RXRB: variants seen among roughly 807,000 people sequenced by gnomAD.
RXRB encodes retinoid X receptor beta.
RXRB carries 18 observed loss-of-function variants against 52.5 expected under a neutral mutation model. That is an observed-to-expected ratio of 0.34 (90% confidence interval 0.24 to 0.51). RXRB has a LOEUF of 0.51. Ranked by LOEUF, RXRB falls within the 20% of genes least tolerant of loss-of-function variation. The pLI is 0.97. For missense variants in RXRB, 455 were observed against 698.2 expected, an observed-to-expected ratio of 0.65 and a Z score of 3.92; for synonymous variants, 233 against 267.1, an observed-to-expected ratio of 0.87 and a Z score of 1.25.
rs559052660 is a variant in RXRB at position 33,195,850 on chromosome 6, C to T, written c.1123+57G>A. ...TAAGGCCACTGGGGTCACTAAAGAT[C>T]GGGAAGTCAAAGAGGGGTCAAATGT... On this transcript the variant is annotated intron_variant, in intron 6 of 9. Transcript: ENST00000374680. The surrounding 1 kb of genome is among the most constrained non-coding windows in gnomAD (Gnocchi z 8.6). 256 of 1,605,034 alleles carry T rather than the reference C, an allele frequency of 1.6e-4. No individual in the cohort carries two copies. In the African/African-American group the frequency reaches 3.2e-3, roughly 20 times the overall value.
In RXRB at chr6:33,196,636, G is replaced by C. The variant is rs754360204; in HGVS notation, c.821-30C>G. The C allele has an allele frequency of 3.2e-6, 5 of 1,561,340 alleles. No homozygotes were observed. The highest frequency in any genetic ancestry group is 1.4e-5 in the African/African-American group (1 of 73,236). On this transcript the variant is annotated intron_variant, in intron 4 of 9. Transcript: ENST00000374680. The surrounding 1 kb of genome is among the most constrained non-coding windows in gnomAD (Gnocchi z 4.0). The stretch of plus-strand genomic sequence containing the variant: ...AGGGGGAAGGGGGAGAGAAAAAATG[G>C]AAAGTCAGCAGCCAGCCATGAAGGG...
Position 33,193,829 on chromosome 6 carries a change from T to TG in RXRB, c.*852dup, listed in dbSNP as rs1773621040. On this transcript the variant is annotated 3_prime_UTR_variant, in exon 10 of 10. Transcript: ENST00000374680. The stretch of plus-strand genomic sequence containing the variant: ...ACTACACTCGTGAAACCATCCCCTG[T>TG]GGGGGCCCTGTCCTCACAGCCCAGG... The TG allele has an allele frequency of 6.6e-6, 1 of 152,042 alleles. No individual in the cohort carries two copies. The highest frequency in any genetic ancestry group is 2.1e-4 in the South Asian group (1 of 4,820). The allele number at this position is 152,042 out of a possible 1,614,324, so 9.4% of individuals were successfully genotyped here. A position where few individuals can be genotyped will look rare whatever the true frequency, so the allele number is the denominator to read the frequency against.
Position 33,195,127 on chromosome 6 carries a change from A to G in RXRB, c.1349-77T>C. ...GGATGGCCATGCAGATGTGAGCCAC[A>G]GGATGCCCCTTTTGGGCTGCACTTG... On this transcript the variant is annotated intron_variant, in intron 8 of 9. Transcript: ENST00000374680. This position sits in a 1 kb window ranked among gnomAD's most constrained non-coding sequence, Gnocchi z 8.6. 9.1e-7 allele frequency: 1 copy of G among 1,096,786 alleles called. No homozygotes were observed. The highest frequency in any genetic ancestry group is 1.4e-6 in the Non-Finnish European group (1 of 718,148). The allele number at this position is 1,096,786 out of a possible 1,614,324, so 67.9% of individuals were successfully genotyped here.
rs2150652191 is a variant in RXRB at position 33,193,725 on chromosome 6, C to G, written c.*957G>C. ...GCGGGCTGGCCACCTCCCCTCAATT[C>G]TCAGGCCAGGATCCTGTGTCCCCAG... On this transcript the variant is annotated 3_prime_UTR_variant, in exon 10 of 10. Transcript: ENST00000374680. The G allele has an allele frequency of 6.6e-6, 1 of 152,368 alleles. No homozygotes were observed. The highest frequency in any genetic ancestry group is 6.5e-5 in the Admixed American group (1 of 15,314). The allele number at this position is 152,368 out of a possible 1,614,324, so 9.4% of individuals were successfully genotyped here.
upstream of RXRB, chr6:33,200,670 C>A: frequency 6.5e-7 from 1 of 1,540,172 alleles, no homozygotes; most frequent in African/African-American, 1.4e-5. This position sits in a 1 kb window ranked among gnomAD's most constrained non-coding sequence, Gnocchi z 6.3. Flanking sequence ...GACGGGAAGT[C>A]TCGGCGCGAG....
In RXRB at chr6:33,199,153, G is replaced by C. The variant is rs201930470; in HGVS notation, c.483+16C>G. On this transcript the variant is annotated intron_variant, in intron 2 of 9. Transcript: ENST00000374680. ...AATGAAAGTGGCCAGGCAGTAAGTT[G>C]GTCACAACCTCTCACCTGGGGGCTG... The C allele has an allele frequency of 1.7e-5, 22 of 1,296,088 alleles. No individual in the cohort carries two copies. In the East Asian group the frequency reaches 5.4e-4, roughly 32 times the overall value. The allele number at this position is 1,296,088 out of a possible 1,614,324, so 80.3% of individuals were successfully genotyped here.
Position 33,195,407 on chromosome 6 carries a change from T to A in RXRB, c.1304A>T (p.Lys435Met). The change falls in exon 8 of 10, where the codon AAG (lysine) becomes ATG (methionine). Residue 435 changes from lysine to methionine, a missense_variant. Lys to Met is a moderately conservative substitution (Grantham distance 95, BLOSUM62 -1). Around this residue, in one of 4 missense-constraint regions of RXRB, gnomAD observed 115 missense variants for 253.1 expected, o/e 0.45. Coordinates refer to ENST00000374680, the MANE Select transcript of RXRB (RefSeq NM_021976.5). The surrounding 1 kb of genome is among the most constrained non-coding windows in gnomAD (Gnocchi z 8.6). ...VSKMRDMRMD[K>M]TELGCLRAII... The stretch of plus-strand genomic sequence containing the variant: ...TGCCCTCAGGCAGCCAAGCTCTGTC[T>A]TGTCCATCCTCATGTCACGCATTTT... 6.2e-7 allele frequency: 1 copy of A among 1,612,826 alleles called. No homozygotes were observed.
Position 33,195,215 on chromosome 6 carries a change from G to A in RXRB, c.1348+148C>T. On this transcript the variant is annotated intron_variant, in intron 8 of 9. Transcript: ENST00000374680. This position sits in a 1 kb window ranked among gnomAD's most constrained non-coding sequence, Gnocchi z 8.6. Reference sequence around the variant, plus strand: ...CCCACTGGGTTTGTGGGATGGATCCGTGGATGTGGGTTTTTCCTCGGCCAG... The same window carrying A: ...CCCACTGGGTTTGTGGGATGGATCCATGGATGTGGGTTTTTCCTCGGCCAG... 5.3e-6 allele frequency: 4 copies of A among 759,326 alleles called. No homozygotes were observed. The highest frequency in any genetic ancestry group is 2.6e-5 in the East Asian group (1 of 38,432). The allele number at this position is 759,326 out of a possible 1,614,324, so 47.0% of individuals were successfully genotyped here. A position where few individuals can be genotyped will look rare whatever the true frequency, so the allele number is the denominator to read the frequency against.
rs948835033 is a variant in RXRB, at chr6:33,194,441, C to T, written c.*241G>A. The T allele has an allele frequency of 6.0e-6, 3 of 498,932 alleles. No individual in the cohort carries two copies. The highest frequency in any genetic ancestry group is 7.1e-5 in the South Asian group (2 of 28,362). The allele number at this position is 498,932 out of a possible 1,614,324, so 30.9% of individuals were successfully genotyped here. A position where few individuals can be genotyped will look rare whatever the true frequency, so the allele number is the denominator to read the frequency against. On this transcript the variant is annotated 3_prime_UTR_variant, in exon 10 of 10. Coordinates refer to ENST00000374680, the MANE Select transcript of RXRB (RefSeq NM_021976.5). The surrounding 1 kb of genome is among the most constrained non-coding windows in gnomAD (Gnocchi z 4.1). The stretch of plus-strand genomic sequence containing the variant: ...AATCACCCCAAATCATGGGAGAACC[C>T]GACAAATTCAGAGACTCAAGGCCAC...
At position 33,195,087 on chromosome 6, in the gene RXRB, A is replaced by C. The variant is rs1395862784; in HGVS notation, c.1349-37T>G. Reference sequence around the variant, plus strand: ...GGGAAGAGAGGAGGAAGAGAAATGAAGACAAACCAAATCAGGATGGCCATG... The same window carrying C: ...GGGAAGAGAGGAGGAAGAGAAATGACGACAAACCAAATCAGGATGGCCATG... On this transcript the variant is annotated intron_variant, in intron 8 of 9. Transcript: ENST00000374680. The surrounding 1 kb of genome is among the most constrained non-coding windows in gnomAD (Gnocchi z 8.6). 1 of 1,464,174 alleles carries C rather than the reference A, an allele frequency of 6.8e-7. No homozygotes were observed. Among genetic ancestry groups the C allele is most frequent in the Non-Finnish European group, 9.6e-7 (1 of 1,045,298 alleles). The allele number at this position is 1,464,174 out of a possible 1,614,324, so 90.7% of individuals were successfully genotyped here.
In RXRB at chr6:33,194,930, C is replaced by G. The variant is rs1350445782; in HGVS notation, c.1454+15G>C. The stretch of plus-strand genomic sequence containing the variant: ...ACCCCCAAGGGAGCCTCAGTGCCCC[C>G]CAGCCCCATCTCACCGTCCCTGCTG... On this transcript the variant is annotated intron_variant, in intron 9 of 9. Coordinates refer to ENST00000374680, the MANE Select transcript of RXRB (RefSeq NM_021976.5). This position sits in a 1 kb window ranked among gnomAD's most constrained non-coding sequence, Gnocchi z 4.1. 6.2e-7 allele frequency: 1 copy of G among 1,611,856 alleles called. No homozygotes were observed. Among genetic ancestry groups the G allele is most frequent in the Admixed American group, 1.7e-5 (1 of 60,024 alleles).
rs1774388781 is a variant in RXRB, at chr6:33,200,315, TGCCACCGCC to T, written c.153_161del (p.Ala52_Ala54del). 8 of 1,595,222 alleles carry T rather than the reference TGCCACCGCC, an allele frequency of 5.0e-6. No homozygotes were observed. The highest frequency in any genetic ancestry group is 6.8e-6 in the Non-Finnish European group (8 of 1,174,514). On this transcript the variant is annotated inframe_deletion, in exon 1 of 10. Coordinates refer to ENST00000374680, the MANE Select transcript of RXRB (RefSeq NM_021976.5). This position sits in a 1 kb window ranked among gnomAD's most constrained non-coding sequence, Gnocchi z 6.3. ...GCTCCGGGGTTTGTTGTTCTCCGCC[TGCCACCGCC>T]GCCGCCGCCGCCGCTGCGGGATCCA...
Position 33,199,358 on chromosome 6 carries a change from A to T in RXRB, c.294T>A (p.Pro98=), listed in dbSNP as rs753408998. The change falls in exon 2 of 10, where the codon CCT becomes CCA. Residue 98 remains proline, a synonymous_variant. Transcript: ENST00000374680. The part of the protein sequence containing the change: ...PNPLPQGVPP[P]SPPGPPLPPS... ...GGGGTAGGGGTGGCCCAGGAGGAGA[A>T]GGGGGAGGGACTCCCTGGGGAAGGG... 2 of 1,008,720 alleles carry T rather than the reference A, an allele frequency of 2.0e-6. No individual in the cohort carries two copies. Among genetic ancestry groups the T allele is most frequent in the South Asian group, 4.9e-5 (1 of 20,318 alleles). 62.5% of individuals were successfully genotyped at this position (1,008,720 alleles called of 1,614,324 possible). A position where few individuals can be genotyped will look rare whatever the true frequency, so the allele number is the denominator to read the frequency against.
rs529640408 is a variant in RXRB at position 33,196,891 on chromosome 6, G to C, written c.821-285C>G. Among the ~76,000 whole-genome samples, 10 of 151,892 alleles carry C rather than the reference G, an allele frequency of 6.6e-5. No individual in the cohort carries two copies. In the South Asian group the frequency reaches 2.1e-3, roughly 32 times the overall value. ...AAAAACATGCCAAGATTCAACCTGA[G>C]AAAGCTGATTGAAAAAAAAAATTTT... On this transcript the variant is annotated intron_variant, in intron 4 of 9. Transcript: ENST00000374680. The surrounding 1 kb of genome is among the most constrained non-coding windows in gnomAD (Gnocchi z 4.0).
chr6:33,195,178 A>G lies in RXRB; in HGVS notation c.1349-128T>C. The G allele has an allele frequency of 1.3e-6, 1 of 798,016 alleles. No individual in the cohort carries two copies. Among genetic ancestry groups the G allele is most frequent in the Admixed American group, 2.1e-5 (1 of 48,258 alleles). The allele number at this position is 798,016 out of a possible 1,614,324, so 49.4% of individuals were successfully genotyped here. ...CTTGCCCTTTACCAGAGGCCTGGCA[A>G]GGGAAGCAGGGCCCACTGGGTTTGT... On this transcript the variant is annotated intron_variant, in intron 8 of 9. Coordinates refer to ENST00000374680, the MANE Select transcript of RXRB (RefSeq NM_021976.5). The surrounding 1 kb of genome is among the most constrained non-coding windows in gnomAD (Gnocchi z 8.6).
chr6:33,196,958 C>A lies in RXRB; in HGVS notation c.821-352G>T, dbSNP rs3117040. Among the ~76,000 whole-genome samples the A allele has an allele frequency of 0.78, 119,102 of 152,164 alleles. 47,137 individuals are homozygous for A. Among genetic ancestry groups the A allele is most frequent in the East Asian group, 0.97 (5,044 of 5,188 alleles). On this transcript the variant is annotated intron_variant, in intron 4 of 9. Coordinates refer to ENST00000374680, the MANE Select transcript of RXRB (RefSeq NM_021976.5). This position sits in a 1 kb window ranked among gnomAD's most constrained non-coding sequence, Gnocchi z 4.0. ...CAAGAAACATGCTAAGCACATTTTA[C>A]CATTCACTCAATTATCATAATGATG...
rs1297616508 is a variant in RXRB at position 33,194,216 on chromosome 6, A to G, written c.*466T>C. Reference sequence around the variant, plus strand: ...TCTTCCAGAGAGGCCCCCATCTGCCAGGTTTGAGAGGAGGAAGGCCTGTCA... The same window carrying G: ...TCTTCCAGAGAGGCCCCCATCTGCCGGGTTTGAGAGGAGGAAGGCCTGTCA... On this transcript the variant is annotated 3_prime_UTR_variant, in exon 10 of 10. Coordinates refer to ENST00000374680, the MANE Select transcript of RXRB (RefSeq NM_021976.5). This position sits in a 1 kb window ranked among gnomAD's most constrained non-coding sequence, Gnocchi z 4.1. 6.5e-6 allele frequency: 1 copy of G among 154,628 alleles called. No individual in the cohort carries two copies. Among genetic ancestry groups the G allele is most frequent in the Non-Finnish European group, 1.4e-5 (1 of 69,792 alleles). The allele number at this position is 154,628 out of a possible 1,614,324, so 9.6% of individuals were successfully genotyped here. A position where few individuals can be genotyped will look rare whatever the true frequency, so the allele number is the denominator to read the frequency against.
chr6:33,199,437 G>A, intron 1 of RXRB, 21 bp from the exon 2 acceptor site: 1 of 1,262,360 alleles, frequency 7.9e-7, no homozygotes, highest in Non-Finnish European at 1.0e-6. Context: ...GGTATGTACA[G>A]GCACACAGAC....
At chr6:33,200,745 G>A (rs1397681390), upstream of RXRB, 2 of 1,543,636 alleles carry the variant, frequency 1.3e-6, no homozygotes, top group Non-Finnish European at 1.7e-6. This position sits in a 1 kb window ranked among gnomAD's most constrained non-coding sequence, Gnocchi z 6.3. Flanking sequence ...AGCCCGCCTC[G>A]CCCACCCTCC....
Sources: allele counts gnomAD v4.1 joint callset (sites outside exome capture counted in the v4.1 genomes callset), GRCh38; gene constraint gnomAD v4.1.1; regional missense constraint gnomAD v4.1.1; non-coding constraint Gnocchi (gnomAD v3.1); transcripts MANE v1.5; gene names NCBI Gene and HGNC (gene_info 2026-07-23, HGNC 2026-07-21).